Variants in ATP2A3 observed in about 807,000 individuals in gnomAD.
ATP2A3 encodes ATPase sarcoplasmic/endoplasmic reticulum Ca2+ transporting 3, also known as sarcoplasmic/endoplasmic reticulum calcium ATPase 3.
A neutral mutation model predicts 106.8 loss-of-function variants in ATP2A3; 61 were observed. The observed-to-expected ratio is 0.57, with a 90% CI of 0.46 to 0.71. The LOEUF is 0.71. Among genes scored for constraint, ATP2A3 ranks in the 30% least tolerant of loss-of-function variants. The pLI, the probability that ATP2A3 is intolerant of heterozygous loss-of-function variation, is 0.00. For synonymous variants in ATP2A3, 611 were observed against 609.3 expected, an observed-to-expected ratio of 1.00 and a Z score of -0.04; for missense variants, 1,201 against 1,423.5, an observed-to-expected ratio of 0.84 and a Z score of 2.52.
rs767376281 is a variant in ATP2A3 at position 3,951,599 on chromosome 17, G to A, written c.306C>T (p.Ala102=). Residue 102 remains alanine (A), a synonymous_variant, in exon 4 of 21, where the codon GCC becomes GCT. Coordinates refer to ENST00000397041, the MANE Select transcript of ATP2A3 (RefSeq NM_005173.4). ...LVIMLILVAN[A]IVGVWQERNA... ...CTCCCACCTGCCACACGCCCACAAT[G>A]GCGTTGGCCACGAGGATCAGCATGA... 6 of 1,368,150 alleles carry A rather than the reference G, an allele frequency of 4.4e-6. No individual in the cohort carries two copies. Among genetic ancestry groups the A allele is most frequent in the Middle Eastern group, 2.1e-4 (1 of 4,856 alleles). The allele number at this position is 1,368,150 out of a possible 1,614,324, so 84.8% of individuals were successfully genotyped here.
At chr17:3,951,208 T>TA (rs2054404351) in intron 5 of ATP2A3, 43 bp downstream of exon 5, 2 of 1,249,148 alleles carry the variant, frequency 1.6e-6, no homozygotes, top group Non-Finnish European at 2.0e-6. Context: ...AATAAATAAA[T>TA]AAATAAAATA....
chr17:3,934,977 G>C, intron 17 of ATP2A3: 1 of 590,344 alleles, frequency 1.7e-6, no homozygotes, highest in Non-Finnish European at 3.0e-6. Flanking sequence ...TAACTGACTG[G>C]GATGGGGAGG....
Position 3,930,453 on chromosome 17 carries a change from G to A in ATP2A3, c.2611-19C>T, listed in dbSNP as rs765154035. 16 of 1,613,302 alleles carry A rather than the reference G, an allele frequency of 9.9e-6. No homozygotes were observed. The East Asian group carries it at 2.9e-4, about 29-fold the overall frequency. Reference sequence around the variant, plus strand: ...AGTTCCTCTGGGGGCACCGTGGCAGGTCAGAGAGAGCGGCAGGTCAGGCGA... The same window carrying A: ...AGTTCCTCTGGGGGCACCGTGGCAGATCAGAGAGAGCGGCAGGTCAGGCGA... On this transcript the variant is annotated intron_variant, in intron 17 of 20. Transcript: ENST00000397041. This position sits in a 1 kb window ranked among gnomAD's most constrained non-coding sequence, Gnocchi z 5.4.
rs916156 is a variant in ATP2A3 at position 3,955,071 on chromosome 17, C to A, written c.119-1361G>T. On this transcript the variant is annotated intron_variant, in intron 1 of 20. Transcript: ENST00000397041. This position sits in a 1 kb window ranked among gnomAD's most constrained non-coding sequence, Gnocchi z 4.2. ...TTGGAGAAGCTCCCCCTTCCCAGGC[C>A]GCAGTCTAACTGAGCCCTGCCTCCT... Among the ~76,000 whole-genome samples the A allele has an allele frequency of 1.0e-3, 156 of 152,288 alleles. 1 individual carries two copies. The highest frequency in any genetic ancestry group is 3.7e-3 in the African/African-American group (152 of 41,570).
At chr17:3,956,576 C>T (rs534581636) in intron 1 of ATP2A3, among the ~76,000 whole-genome samples, 1 of 152,298 alleles carries the variant, frequency 6.6e-6, no homozygotes, top group Admixed American at 6.5e-5. Flanking sequence ...TGTAAATAGC[C>T]AAGCGGCTGG....
chr17:3,962,159 C>T (rs1307277066), intron 1 of ATP2A3, among the ~76,000 whole-genome samples: 2 of 152,182 alleles, frequency 1.3e-5, no homozygotes, highest in Non-Finnish European at 1.5e-5. Flanking sequence ...CTAGCACAGA[C>T]GCCCACACCA....
intron 1 of ATP2A3, among the ~76,000 whole-genome samples, chr17:3,956,902 C>G (rs934143485): frequency 1.3e-5 from 2 of 152,256 alleles, no homozygotes; most frequent in African/African-American, 4.8e-5. Flanking sequence ...GTCCTGCCCA[C>G]ACAGCCAGCT....
intron 16 of ATP2A3, among the ~76,000 whole-genome samples, chr17:3,935,595 T>A (rs1460553052): frequency 6.9e-6 from 1 of 144,436 alleles, no homozygotes; most frequent in Non-Finnish European, 1.5e-5. Context: ...TGGAGTGCAA[T>A]GGTGCCATCT....
chr17:3,924,496 A>C lies in ATP2A3; in HGVS notation c.*926T>G, dbSNP rs2052602636. 3.3e-6 allele frequency: 1 copy of C among 302,404 alleles called. No individual in the cohort carries two copies. Among genetic ancestry groups the C allele is most frequent in the African/African-American group, 2.2e-5 (1 of 44,742 alleles). 18.7% of individuals were successfully genotyped at this position (302,404 alleles called of 1,614,324 possible). A position where few individuals can be genotyped will look rare whatever the true frequency, so the allele number is the denominator to read the frequency against. ...CAGGCTCAGAGGCCCCCAGCTGTGC[A>C]GACAGCGCGGCGGCCGCACACTGGG... is the stretch of plus-strand genomic sequence containing the variant. On this transcript the variant is annotated 3_prime_UTR_variant, in exon 21 of 21. Transcript: ENST00000397041. This position sits in a 1 kb window ranked among gnomAD's most constrained non-coding sequence, Gnocchi z 6.4.
chr17:3,938,040 G>A (rs1025150425), intron 14 of ATP2A3, among the ~76,000 whole-genome samples: 6 of 152,216 alleles, frequency 3.9e-5, no homozygotes, highest in African/African-American at 1.4e-4. Flanking sequence ...GGTAGGTGTT[G>A]TAGTCAAGTT....
Position 3,947,904 on chromosome 17 carries a change from G to T in ATP2A3, c.631-49C>A, listed in dbSNP as rs1172679666. The T allele has an allele frequency of 7.6e-6, 12 of 1,575,432 alleles. No individual in the cohort carries two copies. The highest frequency in any genetic ancestry group is 1.7e-4 in the Middle Eastern group (1 of 6,044). On this transcript the variant is annotated intron_variant, in intron 7 of 20. Coordinates refer to ENST00000397041, the MANE Select transcript of ATP2A3 (RefSeq NM_005173.4). This position sits in a 1 kb window ranked among gnomAD's most constrained non-coding sequence, Gnocchi z 7.7. Reference sequence around the variant, plus strand: ...AAAGCTGCTCAGCAGCCAACCAGGGGCCCAGGACCCCTGACTCCTTCAGGC... The same window carrying T: ...AAAGCTGCTCAGCAGCCAACCAGGGTCCCAGGACCCCTGACTCCTTCAGGC...
At chr17:3,958,823 C>T (rs199919528) in intron 1 of ATP2A3, among the ~76,000 whole-genome samples, 21,118 of 86,848 alleles carry the variant, frequency 0.24, 4,011 homozygotes, top group African/African-American at 0.38. Context: ...TATATACACA[C>T]ATATATATAC....
chr17:3,930,293 C>T lies in ATP2A3; in HGVS notation c.2744+8G>A, dbSNP rs1232794509. 1 of 1,572,690 alleles carries T rather than the reference C, an allele frequency of 6.4e-7. No individual in the cohort carries two copies. The highest frequency in any genetic ancestry group is 8.6e-7 in the Non-Finnish European group (1 of 1,158,916). On this transcript the variant is annotated splice_region_variant and intron_variant, in intron 18 of 20. Coordinates refer to ENST00000397041, the MANE Select transcript of ATP2A3 (RefSeq NM_005173.4). The surrounding 1 kb of genome is among the most constrained non-coding windows in gnomAD (Gnocchi z 5.4). Reference sequence around the variant, plus strand: ...CGGCCCCAGCTCCAGGCCCTGCGCCCAGCCTACCTGTTGAGGGCATTGCAC... The same window carrying T: ...CGGCCCCAGCTCCAGGCCCTGCGCCTAGCCTACCTGTTGAGGGCATTGCAC...
At chr17:3,940,044 TTTTTTG>T (rs1462351404) in intron 14 of ATP2A3, among the ~76,000 whole-genome samples, 2,502 of 67,254 alleles carry the variant, frequency 0.037, 412 homozygotes, top group African/African-American at 0.13. Flanking sequence ...TTTTTTTTTG[TTTTTTG>T]TTTTTTTTTT....
Position 3,951,678 on chromosome 17 carries a change from G to T in ATP2A3, c.227C>A (p.Ala76Asp). The T allele has an allele frequency of 6.2e-7, 1 of 1,607,620 alleles. No homozygotes were observed. The highest frequency in any genetic ancestry group is 8.5e-7 in the Non-Finnish European group (1 of 1,177,752). ...GGTCTCCTCGCCCTCCTCGAACCAG[G>T]CCAGGACCTGCAGGATCACAGCTGG... ...LLAALVSFVL[A>D]WFEEGEETTT... Residue 76 changes from alanine to aspartate, a missense_variant, in exon 4 of 21, where the codon GCC (alanine) becomes GAC (aspartate). This residue lies in a region of ATP2A3 where 266 missense variants were observed against 246.8 expected (regional missense o/e 1.08). Coordinates refer to ENST00000397041, the MANE Select transcript of ATP2A3 (RefSeq NM_005173.4).
At chr17:3,962,936 C>CA (rs2055220733) in intron 1 of ATP2A3, among the ~76,000 whole-genome samples, 1 of 152,202 alleles carries the variant, frequency 6.6e-6, no homozygotes, top group African/African-American at 2.4e-5. Context: ...TCTCCTGCAG[C>CA]AAAGCACAAC....
intron 8 of ATP2A3, among the ~76,000 whole-genome samples, chr17:3,946,584 G>T (rs2054131511): frequency 6.6e-6 from 1 of 152,146 alleles, no homozygotes; most frequent in Non-Finnish European, 1.5e-5. Context: ...TATTAGTCAA[G>T]AAACACTCTG....
chr17:3,929,233 A>T lies in ATP2A3; in HGVS notation c.2862+95T>A, dbSNP rs112893444. Reference sequence around the variant, plus strand: ...CCTCTCACCTCCCTCTCCTCCAGGTAGTTTCCATTGCAGGGGGGCCAGAGA... The same window carrying T: ...CCTCTCACCTCCCTCTCCTCCAGGTTGTTTCCATTGCAGGGGGGCCAGAGA... On this transcript the variant is annotated intron_variant, in intron 19 of 20. Coordinates refer to ENST00000397041, the MANE Select transcript of ATP2A3 (RefSeq NM_005173.4). The surrounding 1 kb of genome is among the most constrained non-coding windows in gnomAD (Gnocchi z 4.3). 3.2e-5 allele frequency: 37 copies of T among 1,154,120 alleles called. 2 individuals carry two copies. The African/African-American group carries it at 4.6e-4, about 14-fold the overall frequency. The allele number at this position is 1,154,120 out of a possible 1,614,324, so 71.5% of individuals were successfully genotyped here. A position where few individuals can be genotyped will look rare whatever the true frequency, so the allele number is the denominator to read the frequency against.
intron 14 of ATP2A3, among the ~76,000 whole-genome samples, chr17:3,940,043 G>GTT (rs1294599615): frequency 0.028 from 2,440 of 87,158 alleles, 74 homozygotes; most frequent in Admixed American, 0.034. Flanking sequence ...TTTTTTTTTT[G>GTT]TTTTTTGTTT....
Sources: gnomAD v4.1 joint callset for allele counts (sites outside exome capture counted in the v4.1 genomes callset) on GRCh38, gnomAD v4.1.1 for gene constraint, gnomAD v4.1.1 regional missense constraint, Gnocchi (gnomAD v3.1) non-coding constraint, MANE v1.5 for transcripts, NCBI Gene and HGNC (gene_info 2026-07-23, HGNC 2026-07-21) for gene names.